The following CELF2 variants were observed in gnomAD, a reference collection of about 807,000 sequenced individuals.
The protein encoded by CELF2 is CUGBP Elav-like family member 2.
Under a neutral mutation model 62.6 loss-of-function variants are expected in CELF2, and 8 were observed. That is an observed-to-expected ratio of 0.13 (90% CI 0.07 to 0.23). The LOEUF is 0.23. Ranked by LOEUF, CELF2 falls within the 10% of genes least tolerant of loss-of-function variation. The pLI is 1.00. For synonymous variants in CELF2, 258 were observed against 250.0 expected, an observed-to-expected ratio of 1.03 and a Z score of -0.30; for missense variants, 333 against 671.0, an observed-to-expected ratio of 0.50 and a Z score of 5.56.
the CELF2 span, among the ~76,000 whole-genome samples, chr10:10,732,709 G>A: frequency 0.84 from 127,335 of 152,014 alleles, 53,547 homozygotes; most frequent in South Asian, 0.9. Context: ...TTTTTAGTAG[G>A]CACAGGGTTT....
the CELF2 span, among the ~76,000 whole-genome samples, chr10:10,654,887 G>A: frequency 6.7e-6 from 1 of 149,742 alleles, no homozygotes; most frequent in Non-Finnish European, 1.5e-5. Flanking sequence ...GGCAGGAGAA[G>A]GAAATAAAGG....
At chr10:11,181,117 G>T (rs545427482) in intron 2 of CELF2, among the ~76,000 whole-genome samples, 1 of 152,124 alleles carries the variant, frequency 6.6e-6, no homozygotes, top group African/African-American at 2.4e-5. Context: ...TGATCAGCCC[G>T]CCTTGGCCTC....
At chr10:10,666,663 C>T in the CELF2 span, among the ~76,000 whole-genome samples, 1 of 131,558 alleles carries the variant, frequency 7.6e-6, no homozygotes, top group East Asian at 2.1e-4. Flanking sequence ...GAGATCGAGA[C>T]CATTCTGGCT....
chr10:11,112,201 G>A (rs1750731), intron 1 of CELF2, among the ~76,000 whole-genome samples: 50,643 of 152,240 alleles, frequency 0.33, 9,448 homozygotes, highest in East Asian at 0.75. Context: ...ATGTCTTTCA[G>A]CAAAGTCCTG....
chr10:10,463,710 T>G, the CELF2 span, among the ~76,000 whole-genome samples: 2 of 152,200 alleles, frequency 1.3e-5, no homozygotes, highest in Non-Finnish European at 1.5e-5. Flanking sequence ...TCAATGAGTC[T>G]GCTTGGATTT....
At position 10,885,307 on chromosome 10, in the gene CELF2, G is replaced by A. The variant is rs527677815; in HGVS notation, c.54-34657G>A. ...GACTATATGTAGGTATTTGCTTCAC[G>A]CTAGTGTATATGCTGGAGAAAAATG... On this transcript the variant is annotated intron_variant, in intron 1 of 13. Transcript: ENST00000636488. 5.9e-5 allele frequency among the ~76,000 whole-genome samples: 9 copies of A among 151,854 alleles called. No homozygotes were observed. The South Asian group carries it at 1.2e-3, about 21-fold the overall frequency.
At chr10:10,539,495 T>C in the CELF2 span, among the ~76,000 whole-genome samples, 3 of 132,360 alleles carry the variant, frequency 2.3e-5, no homozygotes, top group African/African-American at 5.7e-5. Flanking sequence ...ATTTGCCCAT[T>C]AGATTTTCAC....
intron 2 of CELF2, among the ~76,000 whole-genome samples, chr10:10,985,645 G>A (rs1412555481): frequency 6.6e-6 from 1 of 152,216 alleles, no homozygotes; most frequent in African/African-American, 2.4e-5. Context: ...TAGTTGAAAT[G>A]TGGGATTAGC....
rs144170788 is a variant in CELF2, at chr10:10,855,043, T to C, written c.53+56226T>C. On this transcript the variant is annotated intron_variant, in intron 1 of 13. Transcript: ENST00000636488. ...CTTCACCTGCTGGGGAACTTCATCT[T>C]TGGGTCACTGCCAAGCATCGGGTCC... 5.9e-5 allele frequency among the ~76,000 whole-genome samples: 9 copies of C among 152,248 alleles called. No homozygotes were observed. The East Asian group carries it at 1.7e-3, about 29-fold the overall frequency.
At chr10:10,584,663 C>T in the CELF2 span, among the ~76,000 whole-genome samples, 1 of 152,268 alleles carries the variant, frequency 6.6e-6, no homozygotes, top group East Asian at 1.9e-4. Context: ...GTGGAGCTTA[C>T]TAACAATATC....
chr10:10,999,125 GTT>G (rs773727013), intron 2 of CELF2, among the ~76,000 whole-genome samples: 2 of 152,086 alleles, frequency 1.3e-5, no homozygotes, highest in Non-Finnish European at 2.9e-5. Flanking sequence ...GTCTCTCCCT[GTT>G]CTAGCTGAAT....
upstream of CELF2, chr10:10,798,494 G>A (rs933876855): frequency 5.7e-6 from 2 of 349,960 alleles, no homozygotes; most frequent in Non-Finnish European, 1.0e-5. Flanking sequence ...TTGGAATAAA[G>A]TGGGCTACAA....
intron 8 of CELF2, among the ~76,000 whole-genome samples, chr10:11,279,855 C>T (rs1324668955): frequency 1.3e-5 from 2 of 152,124 alleles, no homozygotes; most frequent in Non-Finnish European, 2.9e-5. Context: ...AGTTGAATCC[C>T]TGTATTCTCA....
the CELF2 span, among the ~76,000 whole-genome samples, chr10:10,477,770 CAAAA>C: frequency 3.4e-5 from 4 of 119,278 alleles, no homozygotes; most frequent in African/African-American, 3.0e-5. Context: ...CCTGCAACAC[CAAAA>C]AAAAAAAAAA....
At chr10:10,596,032 G>T in the CELF2 span, among the ~76,000 whole-genome samples, 6 of 152,150 alleles carry the variant, frequency 3.9e-5, no homozygotes, top group South Asian at 1.0e-3. Context: ...GTTTTCTTCT[G>T]CCCTGCCACT....
chr10:10,509,667 T>C, the CELF2 span, among the ~76,000 whole-genome samples: 1 of 152,210 alleles, frequency 6.6e-6, no homozygotes, highest in Non-Finnish European at 1.5e-5. Flanking sequence ...AGAAAACCTT[T>C]GACTCTAGAA....
chr10:10,890,063 T>G (rs1270964340), intron 1 of CELF2, among the ~76,000 whole-genome samples: 1 of 152,182 alleles, frequency 6.6e-6, no homozygotes, highest in Admixed American at 6.5e-5. Context: ...GAGGGGTTTT[T>G]TTCCCCTAAA....
the CELF2 span, among the ~76,000 whole-genome samples, chr10:10,621,626 A>G: frequency 2.0e-5 from 3 of 152,222 alleles, no homozygotes; most frequent in Non-Finnish European, 2.9e-5. Flanking sequence ...GACATTCAGG[A>G]AACAGGAATT....
chr10:11,251,871 T>A (rs1242196314), intron 4 of CELF2, among the ~76,000 whole-genome samples: 1 of 152,248 alleles, frequency 6.6e-6, no homozygotes, highest in African/African-American at 2.4e-5. Context: ...GGCAGCCTTT[T>A]CAGTGCACTC....
Sources: gnomAD v4.1 joint callset for allele counts (sites outside exome capture counted in the v4.1 genomes callset) on GRCh38, gnomAD v4.1.1 for gene constraint, MANE v1.5 for transcripts, NCBI Gene and HGNC (gene_info 2026-07-23, HGNC 2026-07-21) for gene names.